Variants in ROBO2 observed in about 807,000 individuals in gnomAD.
ROBO2 encodes roundabout guidance receptor 2, also known as roundabout homolog 2.
ROBO2 carries 53 observed loss-of-function variants against 160.8 expected under a neutral mutation model. The ratio of observed to expected loss-of-function variants is 0.33; its 90% CI spans 0.26 to 0.41. ROBO2 has a LOEUF of 0.41. Among genes scored for constraint, ROBO2 ranks in the 10% least tolerant of loss-of-function variants. ROBO2 has a pLI of 1.00. For missense variants in ROBO2, 1,577 were observed against 1,722.4 expected (o/e 0.92, Z 1.49); for synonymous variants, 664 against 611.7 (o/e 1.09, Z -1.26).
intron 2 of ROBO2, among the ~76,000 whole-genome samples, chr3:75,975,847 G>A (rs936945524): frequency 1.3e-5 from 2 of 151,668 alleles, no homozygotes; most frequent in South Asian, 4.1e-4. Flanking sequence ...ACTTACTAAT[G>A]GGAGACAGGA....
At chr3:76,662,339 T>G in intron 2 of ROBO2, among the ~76,000 whole-genome samples, 1 of 152,280 alleles carries the variant, frequency 6.6e-6, no homozygotes, top group East Asian at 1.9e-4. Flanking sequence ...AAAAATTTTT[T>G]TCATTATTGT....
chr3:76,044,965 A>G (rs369770639), intron 2 of ROBO2, among the ~76,000 whole-genome samples: 1 of 152,058 alleles, frequency 6.6e-6, no homozygotes, highest in Non-Finnish European at 1.5e-5. Flanking sequence ...TGAAAAACTG[A>G]TAGGGGCCAA....
intron 19 of ROBO2, among the ~76,000 whole-genome samples, chr3:77,598,344 T>A (rs2094352325): frequency 6.6e-6 from 1 of 151,340 alleles, no homozygotes; most frequent in Non-Finnish European, 1.5e-5. Context: ...GTACCAACTA[T>A]GAGAAGGGGA....
intron 2 of ROBO2, among the ~76,000 whole-genome samples, chr3:77,466,656 A>C (rs1461954639): frequency 6.6e-6 from 1 of 152,216 alleles, no homozygotes; most frequent in Non-Finnish European, 1.5e-5. Flanking sequence ...GGGAAAGAAA[A>C]GATAAAGCAA....
At chr3:76,304,211 C>A (rs1044344190) in intron 2 of ROBO2, among the ~76,000 whole-genome samples, 1 of 152,118 alleles carries the variant, frequency 6.6e-6, no homozygotes, top group Non-Finnish European at 1.5e-5. Context: ...CAATGTTTCT[C>A]TTGTTGTGGA....
intron 2 of ROBO2, among the ~76,000 whole-genome samples, chr3:76,400,983 C>G (rs1279007978): frequency 6.6e-6 from 1 of 151,562 alleles, no homozygotes; most frequent in African/African-American, 2.4e-5. Context: ...AAAAATATCT[C>G]TGGCTCTCTT....
At chr3:77,110,282 T>A (rs1483856950) in intron 2 of ROBO2, among the ~76,000 whole-genome samples, 1 of 152,140 alleles carries the variant, frequency 6.6e-6, no homozygotes, top group East Asian at 1.9e-4. Context: ...AATATGATAA[T>A]AGCAATGATA....
chr3:77,476,725 C>A (rs1431417707), intron 2 of ROBO2, among the ~76,000 whole-genome samples: 2 of 152,032 alleles, frequency 1.3e-5, no homozygotes, highest in East Asian at 3.9e-4. Flanking sequence ...GAAGGTCCAA[C>A]CTGCTGTTCT....
chr3:76,022,402 C>G (rs2066598850), intron 2 of ROBO2, among the ~76,000 whole-genome samples: 1 of 151,694 alleles, frequency 6.6e-6, no homozygotes, highest in South Asian at 2.1e-4. Flanking sequence ...TTTACTTTAC[C>G]CAGATTCATC....
intron 2 of ROBO2, among the ~76,000 whole-genome samples, chr3:77,211,046 CAT>C (rs2084077371): frequency 6.6e-6 from 1 of 152,128 alleles, no homozygotes; most frequent in Non-Finnish European, 1.5e-5. Context: ...CCGCAATAAA[CAT>C]ATGTGTGTGT....
chr3:77,236,343 C>T (rs1397021541), intron 2 of ROBO2, among the ~76,000 whole-genome samples: 1 of 152,206 alleles, frequency 6.6e-6, no homozygotes, highest in Non-Finnish European at 1.5e-5. Flanking sequence ...GCAGGCTTCA[C>T]AGAGAACAGA....
chr3:76,104,977 GGAGACAAT>G (rs2069857393), intron 2 of ROBO2, among the ~76,000 whole-genome samples: 1 of 152,130 alleles, frequency 6.6e-6, no homozygotes, highest in Non-Finnish European at 1.5e-5. Context: ...CCAAACTGAA[GGAGACAAT>G]GATGACTTTG....
At chr3:77,238,433 C>A (rs2088428371) in intron 2 of ROBO2, among the ~76,000 whole-genome samples, 3 of 152,022 alleles carry the variant, frequency 2.0e-5, no homozygotes, top group Non-Finnish European at 4.4e-5. Context: ...GCATTCCATG[C>A]CTTTTTGATA....
At chr3:76,112,196 G>T (rs1487097804) in intron 2 of ROBO2, among the ~76,000 whole-genome samples, 1 of 151,928 alleles carries the variant, frequency 6.6e-6, no homozygotes, top group African/African-American at 2.4e-5. Flanking sequence ...TATCTCTTAG[G>T]AGTCCTTTTT....
At chr3:76,027,794 C>T (rs533260457) in intron 2 of ROBO2, among the ~76,000 whole-genome samples, 1 of 151,952 alleles carries the variant, frequency 6.6e-6, no homozygotes, top group South Asian at 2.1e-4. Flanking sequence ...TTAAGATGTT[C>T]TTGTACTAAA....
At chr3:77,202,772 A>G (rs28411255) in intron 2 of ROBO2, among the ~76,000 whole-genome samples, 3,144 of 151,734 alleles carry the variant, frequency 0.021, 98 homozygotes, top group African/African-American at 0.07. Flanking sequence ...TCAAATATTT[A>G]TTATAGTGCC....
chr3:76,787,656 C>A (rs945378575), intron 2 of ROBO2, among the ~76,000 whole-genome samples: 7 of 151,386 alleles, frequency 4.6e-5, no homozygotes, highest in Non-Finnish European at 1.0e-4. Context: ...GCACATTTCA[C>A]TCTCTTGGAA....
chr3:76,457,658 G>A (rs1280932994), intron 2 of ROBO2, among the ~76,000 whole-genome samples: 2 of 152,178 alleles, frequency 1.3e-5, no homozygotes, highest in East Asian at 1.9e-4. Context: ...CTTCCACACT[G>A]TGCTAGCTGA....
At chr3:76,446,460 A>T (rs1357802101) in intron 2 of ROBO2, among the ~76,000 whole-genome samples, 1 of 152,182 alleles carries the variant, frequency 6.6e-6, no homozygotes, top group Non-Finnish European at 1.5e-5. Flanking sequence ...AAATGGCCAT[A>T]CTGCCCAAGG....
Sources: allele counts gnomAD v4.1 joint callset (sites outside exome capture counted in the v4.1 genomes callset), GRCh38; gene constraint gnomAD v4.1.1; transcripts MANE v1.5; gene names NCBI Gene and HGNC (gene_info 2026-07-23, HGNC 2026-07-21).